Variants in FAM13A observed in about 807,000 individuals in gnomAD.
FAM13A encodes the protein protein FAM13A.
A neutral mutation model predicts 129.6 loss-of-function variants in FAM13A; 76 were observed. The ratio of observed to expected loss-of-function variants is 0.59; its 90% confidence interval spans 0.49 to 0.71. FAM13A has a LOEUF of 0.71. Ranked by LOEUF, FAM13A falls within the 30% of genes least tolerant of loss-of-function variation. The pLI, the probability that FAM13A is intolerant of heterozygous loss-of-function variation, is 0.00. For missense variants in FAM13A, 1,108 were observed against 1,249.3 expected (o/e 0.89, Z 1.70); for synonymous variants, 443 against 449.9 (o/e 0.98, Z 0.20).
At chr4:89,048,726 A>G (rs1170650804) in intron 1 of FAM13A, among the ~76,000 whole-genome samples, 1 of 152,192 alleles carries the variant, frequency 6.6e-6, no homozygotes, top group African/African-American at 2.4e-5. Flanking sequence ...TCAGTCTAAT[A>G]ACATATTATT....
At chr4:88,732,972 G>C (rs909635356) in intron 21 of FAM13A, among the ~76,000 whole-genome samples, 3 of 152,066 alleles carry the variant, frequency 2.0e-5, no homozygotes, top group Non-Finnish European at 4.4e-5. Flanking sequence ...GATAATATCA[G>C]AGTGTGAAAG....
chr4:88,789,620 GAGA>G, intron 9 of FAM13A, among the ~76,000 whole-genome samples: 1 of 152,272 alleles, frequency 6.6e-6, no homozygotes, highest in South Asian at 2.1e-4. Flanking sequence ...AGGCAGTAGG[GAGA>G]TAGCAATGAA....
intron 4 of FAM13A, among the ~76,000 whole-genome samples, chr4:88,979,007 C>T (rs1761289423): frequency 6.6e-6 from 1 of 151,944 alleles, no homozygotes; most frequent in Non-Finnish European, 1.5e-5. Flanking sequence ...AAAGGAACTC[C>T]TACAAATCAG....
At chr4:88,785,987 C>A (rs533723535) in intron 10 of FAM13A, among the ~76,000 whole-genome samples, 3 of 152,270 alleles carry the variant, frequency 2.0e-5, no homozygotes, top group Non-Finnish European at 4.4e-5. Flanking sequence ...AGTCTTCATA[C>A]CATCACTCAG....
intron 11 of FAM13A, among the ~76,000 whole-genome samples, chr4:88,779,060 T>C (rs1436759174): frequency 5.9e-5 from 9 of 152,220 alleles, no homozygotes; most frequent in Admixed American, 5.9e-4. Flanking sequence ...TTTTTCTTTC[T>C]AGTTGTTATC....
chr4:88,948,402 C>T (rs1756310198), intron 4 of FAM13A, among the ~76,000 whole-genome samples: 1 of 151,848 alleles, frequency 6.6e-6, no homozygotes, highest in Non-Finnish European at 1.5e-5. Flanking sequence ...GGTCAGAAAA[C>T]AGTCAGAAGT....
intron 13 of FAM13A, among the ~76,000 whole-genome samples, chr4:88,763,429 G>A (rs1278619524): frequency 1.3e-5 from 2 of 152,160 alleles, no homozygotes; most frequent in Admixed American, 6.5e-5. Context: ...CAAGTATCAC[G>A]TGTGTTATAA....
chr4:88,961,331 G>A (rs1385273411), intron 4 of FAM13A, among the ~76,000 whole-genome samples: 6 of 123,496 alleles, frequency 4.9e-5, no homozygotes, highest in Non-Finnish European at 9.9e-5. Context: ...CAAATCCTCA[G>A]CTTTGTGGAA....
chr4:88,897,102 G>A (rs2150191070), intron 6 of FAM13A, among the ~76,000 whole-genome samples: 1 of 152,304 alleles, frequency 6.6e-6, no homozygotes, highest in South Asian at 2.1e-4. Context: ...GAGGCTTAGA[G>A]CCATAGCACC....
chr4:89,011,360 T>C (rs529310010), intron 3 of FAM13A, among the ~76,000 whole-genome samples: 1 of 152,298 alleles, frequency 6.6e-6, no homozygotes, highest in Non-Finnish European at 1.5e-5. Flanking sequence ...TGGTAAATGC[T>C]ATGTTACGTA....
intron 4 of FAM13A, among the ~76,000 whole-genome samples, chr4:88,981,724 A>T (rs1051450068): frequency 2.6e-5 from 4 of 152,204 alleles, no homozygotes; most frequent in Non-Finnish European, 4.4e-5. Flanking sequence ...TTTCACAAAG[A>T]ACTACAAAGA....
At chr4:88,995,053 A>G (rs905609379) in intron 3 of FAM13A, among the ~76,000 whole-genome samples, 2 of 152,008 alleles carry the variant, frequency 1.3e-5, no homozygotes, top group Non-Finnish European at 2.9e-5. Flanking sequence ...CACACTATGT[A>G]TATTTGTTGC....
At chr4:88,968,373 T>C (rs1759618901) in intron 4 of FAM13A, among the ~76,000 whole-genome samples, 1 of 152,198 alleles carries the variant, frequency 6.6e-6, no homozygotes, top group Admixed American at 6.5e-5. Flanking sequence ...ACAACCATTG[T>C]TTTCCAACAT....
At chr4:88,826,412 C>A (rs1345062887) in intron 7 of FAM13A, among the ~76,000 whole-genome samples, 1 of 152,062 alleles carries the variant, frequency 6.6e-6, no homozygotes, top group East Asian at 1.9e-4. Flanking sequence ...CTTTATAAGT[C>A]CTGCCATCTG....
intron 6 of FAM13A, among the ~76,000 whole-genome samples, chr4:88,876,457 C>G (rs937166713): frequency 3.6e-4 from 55 of 152,064 alleles, no homozygotes; most frequent in African/African-American, 1.3e-3. Context: ...CAACTCTGCC[C>G]AATATCAGAC....
intron 5 of FAM13A, among the ~76,000 whole-genome samples, chr4:88,914,055 G>C (rs561330744): frequency 3.2e-4 from 48 of 151,236 alleles, no homozygotes; most frequent in African/African-American, 1.2e-3. Flanking sequence ...CCTTAAATTA[G>C]CAAATGTCAC....
At chr4:88,863,124 G>T (rs1348845673) in intron 6 of FAM13A, among the ~76,000 whole-genome samples, 1 of 152,048 alleles carries the variant, frequency 6.6e-6, no homozygotes, top group Non-Finnish European at 1.5e-5. Flanking sequence ...GCTGAAAACT[G>T]CTAGAGAGCT....
At chr4:88,732,847 G>T (rs1738140213) in intron 21 of FAM13A, among the ~76,000 whole-genome samples, 1 of 150,904 alleles carries the variant, frequency 6.6e-6, no homozygotes, top group Admixed American at 6.6e-5. Flanking sequence ...TGGCATACAA[G>T]ATTCTAAGAA....
intron 4 of FAM13A, among the ~76,000 whole-genome samples, chr4:88,974,084 G>A (rs1187682962): frequency 6.6e-6 from 1 of 152,142 alleles, no homozygotes; most frequent in African/African-American, 2.4e-5. Flanking sequence ...GAAGCATGAA[G>A]GGATTTTTCT....
Sources: allele counts gnomAD v4.1 joint callset (sites outside exome capture counted in the v4.1 genomes callset), GRCh38; gene constraint gnomAD v4.1.1; transcripts MANE v1.5; gene names NCBI Gene and HGNC (gene_info 2026-07-23, HGNC 2026-07-21).